TBC1D23: variants seen among roughly 807,000 people sequenced by gnomAD.
The protein encoded by TBC1D23 is TBC1 domain family member 23.
TBC1D23 carries 55 observed loss-of-function variants against 91.4 expected under a neutral mutation model. The ratio of observed to expected loss-of-function variants is 0.60; its 90% CI spans 0.48 to 0.75. The LOEUF (loss-of-function observed/expected upper bound fraction) is 0.75. Among genes scored for constraint, TBC1D23 ranks in the 30% least tolerant of loss-of-function variants. The pLI is 0.00. For synonymous variants in TBC1D23, 289 were observed against 281.0 expected, an observed-to-expected ratio of 1.03 and a Z score of -0.28; for missense variants, 725 against 836.1, an observed-to-expected ratio of 0.87 and a Z score of 1.64.
rs997177203 is a variant in TBC1D23, at chr3:100,310,255, G to A, written c.1414-148G>A. 8.5e-6 allele frequency: 6 copies of A among 705,656 alleles called. No individual in the cohort carries two copies. In the African/African-American group the frequency reaches 1.1e-4, roughly 13 times the overall value. The allele number at this position is 705,656 out of a possible 1,614,324, so 43.7% of individuals were successfully genotyped here. A position where few individuals can be genotyped will look rare whatever the true frequency, so the allele number is the denominator to read the frequency against. ...TGTAGAGGCCTTGTCTCCAAATACA[G>A]TCACATTCTGAGATATACTGGGAGT... On this transcript the variant is annotated intron_variant, in intron 13 of 18. Transcript: ENST00000394144.
At chr3:100,322,104 A>G (rs1705867838) in intron 18 of TBC1D23, among the ~76,000 whole-genome samples, 1 of 141,018 alleles carries the variant, frequency 7.1e-6, no homozygotes, top group African/African-American at 2.5e-5. Context: ...AAATTAATTA[A>G]TTAATTTTTT....
At chr3:100,307,294 A>G (rs1027841134) in intron 13 of TBC1D23, among the ~76,000 whole-genome samples, 2 of 152,226 alleles carry the variant, frequency 1.3e-5, no homozygotes, top group African/African-American at 2.4e-5. Flanking sequence ...TAAAACAGAA[A>G]TAGAAGGAAA....
chr3:100,286,539 C>A (rs1414896223), intron 4 of TBC1D23, among the ~76,000 whole-genome samples: 1 of 151,300 alleles, frequency 6.6e-6, no homozygotes, highest in Admixed American at 6.6e-5. Context: ...ACTTTGTCAT[C>A]CAAGCTGGAG....
chr3:100,295,786 A>T (rs185971192), intron 7 of TBC1D23, among the ~76,000 whole-genome samples: 1 of 152,178 alleles, frequency 6.6e-6, no homozygotes, highest in Admixed American at 6.5e-5. Context: ...TCTGTATAAC[A>T]ATGTTTATCT....
At chr3:100,304,612 T>G (rs1705486076) in intron 11 of TBC1D23, among the ~76,000 whole-genome samples, 1 of 152,188 alleles carries the variant, frequency 6.6e-6, no homozygotes, top group South Asian at 2.1e-4. Flanking sequence ...AAATCAAGAC[T>G]TGTTAATAGC....
Position 100,300,280 on chromosome 3 carries a change from C to G in TBC1D23, c.1092+949C>G, listed in dbSNP as rs116232025. ...CCTCTTAGCTAAATGTTAAGTCTAC[C>G]TTTCCCCTTCCCAACTCGTCTGAAA... On this transcript the variant is annotated intron_variant, in intron 10 of 18. Transcript: ENST00000394144. Among the ~76,000 whole-genome samples the G allele has an allele frequency of 2.4e-3, 359 of 152,144 alleles. 1 individual carries two copies. The highest frequency in any genetic ancestry group is 7.9e-3 in the African/African-American group (329 of 41,520).
In TBC1D23 at chr3:100,306,427, T is replaced by G. The variant is rs755723625; in HGVS notation, c.1307-10T>G. 7 of 1,532,600 alleles carry G rather than the reference T, an allele frequency of 4.6e-6. No homozygotes were observed. In the Admixed American group the frequency reaches 1.2e-4, roughly 26 times the overall value. 94.9% of individuals were successfully genotyped at this position (1,532,600 alleles called of 1,614,324 possible). A position where few individuals can be genotyped will look rare whatever the true frequency, so the allele number is the denominator to read the frequency against. The stretch of plus-strand genomic sequence containing the variant: ...TTTAGGTTTTTCTTTTTTTTTTAAT[T>G]TATCTTAAGCACTGCAGCAGCACCT... On this transcript the variant is annotated splice_polypyrimidine_tract_variant and intron_variant, in intron 12 of 18. Coordinates refer to ENST00000394144, the MANE Select transcript of TBC1D23 (RefSeq NM_001199198.3).
At chr3:100,304,464 T>G (rs1204330823) in intron 11 of TBC1D23, among the ~76,000 whole-genome samples, 1 of 152,178 alleles carries the variant, frequency 6.6e-6, no homozygotes, top group African/African-American at 2.4e-5. Context: ...TTAGCTGTAA[T>G]GTTTCTTTTT....
chr3:100,313,036 T>G (rs1465777138), intron 15 of TBC1D23, among the ~76,000 whole-genome samples: 1 of 151,254 alleles, frequency 6.6e-6, no homozygotes, highest in Non-Finnish European at 1.5e-5. Context: ...AATAATATAA[T>G]AATAATAGTT....
At chr3:100,267,289 T>C (rs1439159343) in intron 1 of TBC1D23, 3 of 432,894 alleles carry the variant, frequency 6.9e-6, no homozygotes, top group South Asian at 1.7e-5. Flanking sequence ...AAATTCTTTC[T>C]TGTAGAAATA....
chr3:100,320,451 G>C (rs754809003), intron 17 of TBC1D23, among the ~76,000 whole-genome samples: 1 of 151,836 alleles, frequency 6.6e-6, no homozygotes, highest in Non-Finnish European at 1.5e-5. Context: ...AGGTAATAGC[G>C]TTAAAAAATC....
chr3:100,316,122 T>C lies in TBC1D23; in HGVS notation c.1622T>C (p.Val541Ala). Reference protein sequence around the residue: ...TERHVSSSDRVGKPYRGVKPV... With the variant: ...TERHVSSSDRAGKPYRGVKPV... ...AGGCATGTGAGCAGCAGTGACAGAG[T>C]GGGCAAGCCTTACCGTGGCGTAAAG... Residue 541 changes from valine to alanine, a missense_variant, in exon 16 of 19, where the codon GTG becomes GCG. Transcript: ENST00000394144. 1 of 1,614,032 alleles carries C rather than the reference T, an allele frequency of 6.2e-7. No homozygotes were observed. The highest frequency in any genetic ancestry group is 1.3e-5 in the African/African-American group (1 of 75,044).
At chr3:100,262,201 AG>A (rs1247043678) in intron 1 of TBC1D23, among the ~76,000 whole-genome samples, 1 of 151,894 alleles carries the variant, frequency 6.6e-6, no homozygotes, top group Non-Finnish European at 1.5e-5. Context: ...CTTATGTTGG[AG>A]TTGGGAAGGT....
At chr3:100,286,511 T>G (rs2067743303) in intron 4 of TBC1D23, among the ~76,000 whole-genome samples, 1 of 152,086 alleles carries the variant, frequency 6.6e-6, no homozygotes, top group Admixed American at 6.5e-5. Context: ...CTTTTTTTTT[T>G]TTTTGAGACA....
intron 13 of TBC1D23, 147 bp downstream of exon 13, chr3:100,306,690 A>G: frequency 1.9e-6 from 1 of 534,884 alleles, no homozygotes; most frequent in Non-Finnish European, 3.4e-6. Flanking sequence ...GATTAATGAG[A>G]TGATACAGCA....
intron 13 of TBC1D23, among the ~76,000 whole-genome samples, chr3:100,307,102 T>C (rs1045327857): frequency 6.6e-6 from 1 of 152,236 alleles, no homozygotes; most frequent in African/African-American, 2.4e-5. Flanking sequence ...TTTTTAGTTA[T>C]TGAGATGTGT....
chr3:100,289,383 T>G (rs2067770869), intron 4 of TBC1D23, among the ~76,000 whole-genome samples: 3 of 152,212 alleles, frequency 2.0e-5, no homozygotes, highest in African/African-American at 7.2e-5. Flanking sequence ...AACATAATAG[T>G]ATCTAACAAA....
chr3:100,311,531 T>A (rs1705624404), intron 14 of TBC1D23, among the ~76,000 whole-genome samples: 1 of 152,206 alleles, frequency 6.6e-6, no homozygotes, highest in Non-Finnish European at 1.5e-5. Flanking sequence ...TTACCTTTTG[T>A]TGGTGCTTCT....
chr3:100,296,280 A>AT lies in TBC1D23; in HGVS notation c.876+5_876+6insT. Reference sequence around the variant, plus strand: ...ACACCGGCTTCTTTTAGGAAGGTATAAGACCAGAAATGACCAACTATGTTG... The same window carrying AT: ...ACACCGGCTTCTTTTAGGAAGGTATATAGACCAGAAATGACCAACTATGTTG... On this transcript the variant is annotated splice_donor_region_variant and intron_variant, in intron 8 of 18. Coordinates refer to ENST00000394144, the MANE Select transcript of TBC1D23 (RefSeq NM_001199198.3). The AT allele has an allele frequency of 6.6e-7, 1 of 1,504,944 alleles. No individual in the cohort carries two copies. Among genetic ancestry groups the AT allele is most frequent in the Non-Finnish European group, 9.1e-7 (1 of 1,096,098 alleles). 93.2% of individuals were successfully genotyped at this position (1,504,944 alleles called of 1,614,324 possible). A position where few individuals can be genotyped will look rare whatever the true frequency, so the allele number is the denominator to read the frequency against.
Sources: allele counts gnomAD v4.1 joint callset (sites outside exome capture counted in the v4.1 genomes callset), GRCh38; gene constraint gnomAD v4.1.1; transcripts MANE v1.5; gene names NCBI Gene and HGNC (gene_info 2026-07-23, HGNC 2026-07-21).